The following SLC30A8 variants were observed in gnomAD, a reference collection of about 807,000 sequenced individuals.
SLC30A8 encodes the protein solute carrier family 30 member 8.
A neutral mutation model predicts 36.9 loss-of-function variants in SLC30A8; 27 were observed. The observed-to-expected ratio is 0.73, with a 90% CI of 0.54 to 1.01. The LOEUF is 1.01. SLC30A8 is among the 50% of genes least tolerant of loss of function. The probability of loss-of-function intolerance (pLI) is 0.00; values close to 1 mark genes in which losing one functional copy is unlikely to be tolerated. For synonymous variants in SLC30A8, 164 were observed against 172.4 expected, an observed-to-expected ratio of 0.95 and a Z score of 0.38; for missense variants, 439 against 452.0, an observed-to-expected ratio of 0.97 and a Z score of 0.26.
At chr8:117,131,312 C>T (rs1442554321), upstream of SLC30A8, among the ~76,000 whole-genome samples, 1 of 151,712 alleles carries the variant, frequency 6.6e-6, no homozygotes, top group Admixed American at 6.6e-5. Flanking sequence ...GAAATACTCA[C>T]ACTGTAGTAA....
chr8:116,954,020 TG>T (rs147955977), intron 1 of SLC30A8, among the ~76,000 whole-genome samples: 3,439 of 152,088 alleles, frequency 0.023, 115 homozygotes, highest in African/African-American at 0.077. Context: ...TGGAGTAGGG[TG>T]GTGTTAGTGA....
chr8:117,153,891 A>G (rs1263722831), intron 3 of SLC30A8, among the ~76,000 whole-genome samples: 2 of 152,152 alleles, frequency 1.3e-5, no homozygotes, highest in African/African-American at 2.4e-5. Flanking sequence ...ACAATAGACA[A>G]ATGAATCCAC....
In SLC30A8 at chr8:117,163,497, A is replaced by G. The variant is rs758039004; in HGVS notation, c.796A>G (p.Ile266Val). 1.2e-6 allele frequency: 2 copies of G among 1,613,358 alleles called. No individual in the cohort carries two copies. Among genetic ancestry groups the G allele is most frequent in the African/African-American group, 1.3e-5 (1 of 74,978 alleles). The change falls in exon 6 of 8, where the codon ATC (isoleucine) becomes GTC (valine). Residue 266 changes from isoleucine to valine, a missense_variant. Physicochemically the swap from Ile to Val is conservative, Grantham distance 29. Coordinates refer to ENST00000456015, the MANE Select transcript of SLC30A8 (RefSeq NM_173851.3). Reference protein sequence around the residue: ...SILVLASTITILKDFSILLME... With the variant: ...SILVLASTITVLKDFSILLME... ...CCTGGTCTTGGCCAGCACCATCACT[A>G]TCTTAAAGGACTTCTCCATCTTACT...
chr8:116,997,246 G>T (rs559736131), intron 1 of SLC30A8, among the ~76,000 whole-genome samples: 5 of 152,238 alleles, frequency 3.3e-5, no homozygotes, highest in South Asian at 2.1e-4. Context: ...TGCACAGTTT[G>T]CCTGTTCTTC....
intron 2 of SLC30A8, among the ~76,000 whole-genome samples, chr8:117,068,439 C>G (rs1250679985): frequency 6.6e-6 from 1 of 152,242 alleles, no homozygotes; most frequent in Admixed American, 6.5e-5. Flanking sequence ...AAGAGTCACA[C>G]TGGCACGGTG....
intron 1 of SLC30A8, among the ~76,000 whole-genome samples, chr8:117,012,022 T>G (rs1816359433): frequency 6.6e-6 from 1 of 152,200 alleles, no homozygotes; most frequent in African/African-American, 2.4e-5. Context: ...TTTTGTGTAC[T>G]TAGCTTACTT....
intron 5 of SLC30A8, 41 bp downstream of exon 5, chr8:117,161,929 T>A (rs1037636000): frequency 9.6e-6 from 15 of 1,565,206 alleles, no homozygotes; most frequent in Non-Finnish European, 1.3e-5. Flanking sequence ...CTTATGTAGA[T>A]TAGGTAGTAC....
At chr8:117,105,210 G>C (rs1819932503) in intron 2 of SLC30A8, among the ~76,000 whole-genome samples, 1 of 152,078 alleles carries the variant, frequency 6.6e-6, no homozygotes, top group Admixed American at 6.6e-5. Flanking sequence ...CCCTGTTAAA[G>C]ATGGAGTTGC....
At chr8:117,019,885 T>G (rs1586406446) in intron 1 of SLC30A8, among the ~76,000 whole-genome samples, 1 of 151,878 alleles carries the variant, frequency 6.6e-6, no homozygotes, top group Non-Finnish European at 1.5e-5. Context: ...CAGGGGAGAG[T>G]GTAGCAAGTG....
rs917503960 is a variant in SLC30A8, at chr8:117,147,040, G to A, written c.158G>A (p.Cys53Tyr). 5 of 1,614,008 alleles carry A rather than the reference G, an allele frequency of 3.1e-6. No homozygotes were observed. The African/African-American group carries it at 4.0e-5, about 13-fold the overall frequency. The part of the protein sequence containing the change: ...EELESGGMYH[C>Y]HSGSKPTEKG... ...CTGGAGTCAGGAGGCATGTACCACT[G>A]CCACAGTGGCTCCAAGCCCACAGAA... The change falls in exon 2 of 8, where the codon TGC (cysteine) becomes TAC (tyrosine). Residue 53 changes from cysteine (C) to tyrosine (Y), a missense_variant. Cys to Tyr is a radical substitution (Grantham distance 194). Coordinates refer to ENST00000456015, the MANE Select transcript of SLC30A8 (RefSeq NM_173851.3).
chr8:117,054,535 A>G (rs1817808400), intron 2 of SLC30A8, among the ~76,000 whole-genome samples: 1 of 152,190 alleles, frequency 6.6e-6, no homozygotes, highest in South Asian at 2.1e-4. Flanking sequence ...GTGCAAACAT[A>G]CAGAAGAATA....
At chr8:117,111,999 C>T (rs1365570961) in intron 2 of SLC30A8, among the ~76,000 whole-genome samples, 79 of 152,110 alleles carry the variant, frequency 5.2e-4, no homozygotes, top group Non-Finnish European at 1.8e-4. Flanking sequence ...AAGAAGAAGG[C>T]TGCAGGGACT....
chr8:117,120,106 A>T (rs556005086), intron 2 of SLC30A8, among the ~76,000 whole-genome samples: 1 of 152,004 alleles, frequency 6.6e-6, no homozygotes, highest in Non-Finnish European at 1.5e-5. Flanking sequence ...TTTTTGCAGA[A>T]ATAGAAAAAA....
upstream of SLC30A8, among the ~76,000 whole-genome samples, chr8:117,133,450 A>G (rs1480946205): frequency 1.3e-5 from 2 of 152,028 alleles, no homozygotes; most frequent in African/African-American, 4.8e-5. Context: ...TATTTGTACT[A>G]GAGGCAAAGT....
chr8:117,105,473 CAT>C lies in SLC30A8; in HGVS notation c.-225-29804_-225-29803del, dbSNP rs372998542. The stretch of plus-strand genomic sequence containing the variant: ...ACACACACATATACATATATGTACA[CAT>C]ATGTGTGTTCTTTATATGAGTGTGT... On this transcript the variant is annotated intron_variant, in intron 2 of 10. Coordinates refer to the SLC30A8 transcript ENST00000427715. Among the ~76,000 whole-genome samples the C allele has an allele frequency of 3.0e-3, 455 of 152,254 alleles. 5 individuals carry two copies. The highest frequency in any genetic ancestry group is 0.01 in the African/African-American group (419 of 41,550).
At chr8:117,014,815 C>A (rs1287986326) in intron 1 of SLC30A8, among the ~76,000 whole-genome samples, 1 of 152,052 alleles carries the variant, frequency 6.6e-6, no homozygotes, top group South Asian at 2.1e-4. Flanking sequence ...GCTATATAAA[C>A]CCCTAACTTT....
intron 2 of SLC30A8, among the ~76,000 whole-genome samples, chr8:117,124,516 A>G (rs13277279): frequency 0.17 from 26,029 of 151,718 alleles, 2,656 homozygotes; most frequent in East Asian, 0.27. Context: ...GGGATCTCAC[A>G]TTGGCATTTA....
chr8:116,961,321 C>T (rs369720874), intron 1 of SLC30A8, among the ~76,000 whole-genome samples: 33 of 152,060 alleles, frequency 2.2e-4, no homozygotes, highest in South Asian at 1.7e-3. Context: ...CCCAGCTACT[C>T]GGGAGGCTGA....
At chr8:117,052,279 G>A (rs1586446098) in intron 2 of SLC30A8, among the ~76,000 whole-genome samples, 1 of 152,212 alleles carries the variant, frequency 6.6e-6, no homozygotes, top group African/African-American at 2.4e-5. Context: ...CCAAAGTGCT[G>A]GGATTACAGG....
Sources: allele counts gnomAD v4.1 joint callset (sites outside exome capture counted in the v4.1 genomes callset), GRCh38; gene constraint gnomAD v4.1.1; transcripts MANE v1.5; gene names NCBI Gene and HGNC (gene_info 2026-07-23, HGNC 2026-07-21).